The following ABI1 variants were observed in gnomAD, a reference collection of about 807,000 sequenced individuals.
ABI1 encodes the protein abl interactor 1.
Under a neutral mutation model 54.6 loss-of-function variants are expected in ABI1, and 14 were observed. The ratio of observed to expected loss-of-function variants is 0.26; its 90% confidence interval spans 0.17 to 0.40. The LOEUF (loss-of-function observed/expected upper bound fraction) is 0.40, where lower values mean the gene tolerates loss of function less well. Among genes scored for constraint, ABI1 ranks in the 10% least tolerant of loss-of-function variants. The pLI, the probability that ABI1 is intolerant of heterozygous loss-of-function variation, is 1.00. For synonymous variants in ABI1, 194 were observed against 209.3 expected, an observed-to-expected ratio of 0.93 and a Z score of 0.63; for missense variants, 443 against 598.3, an observed-to-expected ratio of 0.74 and a Z score of 2.71.
At chr10:26,755,845 G>C in intron 8 of ABI1, 104 bp from the exon 9 acceptor site, 1 of 695,608 alleles carries the variant, frequency 1.4e-6, no homozygotes, top group Non-Finnish European at 2.3e-6. Flanking sequence ...ACATAAGTAT[G>C]CAAAGAACAG....
chr10:26,828,935 G>A (rs187655788), intron 1 of ABI1, among the ~76,000 whole-genome samples: 8 of 152,312 alleles, frequency 5.3e-5, no homozygotes, highest in Admixed American at 3.9e-4. Context: ...TAAACTAAAA[G>A]CACCAGTTTA....
chr10:26,765,115 TTTAA>T, intron 7 of ABI1, 99 bp downstream of exon 7: 2 of 820,768 alleles, frequency 2.4e-6, no homozygotes, highest in Non-Finnish European at 3.8e-6. Flanking sequence ...CGATCACAAA[TTTAA>T]TTAATAATTT....
In ABI1 at chr10:26,759,172, G is replaced by A. The variant is rs375151774; in HGVS notation, c.887C>T (p.Ser296Phe). The change falls in exon 8 of 11, where the codon TCT becomes TTT. Residue 296 changes from serine (S) to phenylalanine (F), a missense_variant. Around this residue, in one of 2 missense-constraint regions of ABI1, gnomAD observed 394 missense variants for 484.8 expected, o/e 0.81. Transcript: ENST00000376140. ...ACCAGAAGATGTCGAAGAAGTAGTAGAGTTGTGTCGAGATATCTGCCTGGT... is the reference window on the plus strand; with the variant it reads ...ACCAGAAGATGTCGAAGAAGTAGTAAAGTTGTGTCGAGATATCTGCCTGGT... ...TMTRQISRHN[S>F]TTSSTSSGGY... 1 of 1,614,132 alleles carries A rather than the reference G, an allele frequency of 6.2e-7. No individual in the cohort carries two copies. Among genetic ancestry groups the A allele is most frequent in the Non-Finnish European group, 8.5e-7 (1 of 1,179,994 alleles).
chr10:26,777,489 T>C (rs1841557686), intron 2 of ABI1, among the ~76,000 whole-genome samples: 1 of 152,174 alleles, frequency 6.6e-6, no homozygotes, highest in Non-Finnish European at 1.5e-5. Flanking sequence ...CCTAACAATT[T>C]GGTATGTGGG....
intron 2 of ABI1, among the ~76,000 whole-genome samples, chr10:26,805,827 G>C (rs954076981): frequency 6.6e-6 from 1 of 152,176 alleles, no homozygotes; most frequent in African/African-American, 2.4e-5. Context: ...GCAGATACAA[G>C]AAGCAGAGAA....
At chr10:26,784,922 G>C (rs1171306837) in intron 2 of ABI1, among the ~76,000 whole-genome samples, 1 of 152,166 alleles carries the variant, frequency 6.6e-6, no homozygotes. Context: ...AATGCCTTGG[G>C]CCAAGAGTAA....
chr10:26,768,755 G>A, intron 6 of ABI1, 97 bp downstream of exon 6: 1 of 922,016 alleles, frequency 1.1e-6, no homozygotes, highest in Non-Finnish European at 1.6e-6. Context: ...TAGCATTAGA[G>A]TGGCACCTCA....
In ABI1 at chr10:26,783,106, T is replaced by C. The variant is rs557585711; in HGVS notation, c.286-5865A>G. On this transcript the variant is annotated intron_variant, in intron 2 of 10. Coordinates refer to ENST00000376140, the MANE Select transcript of ABI1 (RefSeq NM_001012750.3). ...CACAAAATGTGATATATACATACAA[T>C]AGAATAGTATTTAGACTTAACAATG... 5.9e-5 allele frequency among the ~76,000 whole-genome samples: 9 copies of C among 152,260 alleles called. No individual in the cohort carries two copies. The South Asian group carries it at 1.5e-3, about 25-fold the overall frequency.
Position 26,823,409 on chromosome 10 carries a change from T to TA in ABI1, c.118-105dup, listed in dbSNP as rs760593542. 5.8e-3 allele frequency: 5,396 copies of TA among 927,486 alleles called. 1 individual carries two copies. Among genetic ancestry groups the TA allele is most frequent in the South Asian group, 8.5e-3 (300 of 35,362 alleles). 57.5% of individuals were successfully genotyped at this position (927,486 alleles called of 1,614,324 possible). A position where few individuals can be genotyped will look rare whatever the true frequency, so the allele number is the denominator to read the frequency against. On this transcript the variant is annotated intron_variant, in intron 1 of 10. Coordinates refer to ENST00000376140, the MANE Select transcript of ABI1 (RefSeq NM_001012750.3). ...ATATTATTTTACTAGAGAAATTCAA[T>TA]AAAAAAAAACTCACTGTACCAATAT... is the stretch of plus-strand genomic sequence containing the variant.
intron 6 of ABI1, 77 bp from the exon 7 acceptor site, chr10:26,765,395 A>G (rs1839815147): frequency 1.0e-6 from 1 of 979,772 alleles, no homozygotes; most frequent in Non-Finnish European, 1.5e-6. Context: ...ACCCAAGGCC[A>G]CTAAATACTC....
chr10:26,755,188 T>A (rs1388553207), intron 9 of ABI1, among the ~76,000 whole-genome samples: 5 of 152,168 alleles, frequency 3.3e-5, no homozygotes, highest in Non-Finnish European at 7.3e-5. Flanking sequence ...TACAAAAATC[T>A]GAGGCTACAA....
At chr10:26,804,904 A>G (rs2133431204) in intron 2 of ABI1, among the ~76,000 whole-genome samples, 1 of 152,374 alleles carries the variant, frequency 6.6e-6, no homozygotes, top group African/African-American at 2.4e-5. Context: ...CCTTATCTTT[A>G]AAGAGTAAGG....
chr10:26,841,655 T>A (rs540115480), intron 1 of ABI1, among the ~76,000 whole-genome samples: 2,369 of 152,074 alleles, frequency 0.016, 51 homozygotes, highest in African/African-American at 0.054. Context: ...TCTTTTTTTT[T>A]ATTTTTTTTA....
At chr10:26,836,688 C>T (rs1217314581) in intron 1 of ABI1, among the ~76,000 whole-genome samples, 2 of 152,168 alleles carry the variant, frequency 1.3e-5, no homozygotes, top group Non-Finnish European at 2.9e-5. Flanking sequence ...CCCTACCACC[C>T]CACCAAAACT....
chr10:26,852,387 G>C (rs551817950), intron 1 of ABI1, among the ~76,000 whole-genome samples: 1 of 152,248 alleles, frequency 6.6e-6, no homozygotes, highest in East Asian at 1.9e-4. Context: ...GCCGAGGCAG[G>C]AGAATTGATT....
chr10:26,790,234 T>C (rs1239472512), intron 2 of ABI1, among the ~76,000 whole-genome samples: 1 of 152,230 alleles, frequency 6.6e-6, no homozygotes, highest in African/African-American at 2.4e-5. Flanking sequence ...GTTGAACTAA[T>C]TTACATTCCC....
chr10:26,782,103 G>C (rs917815060), intron 2 of ABI1, among the ~76,000 whole-genome samples: 3 of 152,178 alleles, frequency 2.0e-5, no homozygotes, highest in African/African-American at 7.2e-5. Flanking sequence ...CACTGCTGAT[G>C]ACACTTTTCC....
chr10:26,813,324 C>A (rs558747013), intron 2 of ABI1, among the ~76,000 whole-genome samples: 1 of 151,776 alleles, frequency 6.6e-6, no homozygotes, highest in African/African-American at 2.4e-5. Context: ...ACCAACAGTC[C>A]ATTAGGAATC....
chr10:26,785,885 G>A (rs1588873153), intron 2 of ABI1, among the ~76,000 whole-genome samples: 1 of 152,016 alleles, frequency 6.6e-6, no homozygotes, highest in African/African-American at 2.4e-5. Context: ...GCCATCACTC[G>A]GCCCCTTTCA....
Sources: gnomAD v4.1 joint callset for allele counts (sites outside exome capture counted in the v4.1 genomes callset) on GRCh38, gnomAD v4.1.1 for gene constraint, gnomAD v4.1.1 regional missense constraint, MANE v1.5 for transcripts, NCBI Gene and HGNC (gene_info 2026-07-23, HGNC 2026-07-21) for gene names.